The following CDKN2A variants were observed in gnomAD, a reference collection of about 807,000 sequenced individuals.
CDKN2A encodes the protein cyclin dependent kinase inhibitor 2A, also known as cyclin-dependent kinase inhibitor 2A.
CDKN2A carries 3 observed loss-of-function variants against 11.1 expected under a neutral mutation model. The observed-to-expected ratio is 0.27, with a 90% CI of 0.12 to 0.70. CDKN2A has a LOEUF of 0.70. CDKN2A is among the 30% of genes least tolerant of loss of function. CDKN2A has a pLI of 0.77. For missense variants in CDKN2A, 265 were observed against 233.6 expected (o/e 1.13, Z -0.88); for synonymous variants, 122 against 108.1 (o/e 1.13, Z -0.80).
At chr9:21,987,969 G>T (rs988751866) in intron 2 of CDKN2A, among the ~76,000 whole-genome samples, 3 of 152,156 alleles carry the variant, frequency 2.0e-5, no homozygotes, top group African/African-American at 7.2e-5. Flanking sequence ...CCAGAAATAT[G>T]TATTTTTAAA....
At chr9:21,987,432 C>CACACACACACACAG (rs1311413150) in intron 2 of CDKN2A, among the ~76,000 whole-genome samples, 1 of 138,196 alleles carries the variant, frequency 7.2e-6, no homozygotes. Context: ...CACACACACA[C>CACACACACACACAG]AGAGAGAGAG....
In CDKN2A at chr9:21,968,640, C is replaced by G. The variant is rs2131081214; in HGVS notation, c.458-398G>C. 6.5e-7 allele frequency: 1 copy of G among 1,527,304 alleles called. No individual in the cohort carries two copies. Among genetic ancestry groups the G allele is most frequent in the Non-Finnish European group, 8.8e-7 (1 of 1,142,096 alleles). The allele number at this position is 1,527,304 out of a possible 1,614,324, so 94.6% of individuals were successfully genotyped here. A position where few individuals can be genotyped will look rare whatever the true frequency, so the allele number is the denominator to read the frequency against. On this transcript the variant is annotated intron_variant, in intron 2 of 2. Coordinates refer to ENST00000304494, the MANE Select transcript of CDKN2A (RefSeq NM_000077.5). The surrounding 1 kb of genome is among the most constrained non-coding windows in gnomAD (Gnocchi z 4.7). The stretch of plus-strand genomic sequence containing the variant: ...CCCGCATCCCCAGGCATCTTTTGCA[C>G]CTGGTGCGGAGTGAGCCAGCCAGCT...
chr9:21,971,423 G>T lies in CDKN2A; in HGVS notation c.151-215C>A, dbSNP rs548725319. The T allele has an allele frequency of 1.8e-4, 251 of 1,422,486 alleles. No homozygotes were observed. The African/African-American group carries it at 3.4e-3, about 19-fold the overall frequency. The allele number at this position is 1,422,486 out of a possible 1,614,324, so 88.1% of individuals were successfully genotyped here. On this transcript the variant is annotated intron_variant, in intron 1 of 2. Coordinates refer to ENST00000304494, the MANE Select transcript of CDKN2A (RefSeq NM_000077.5). ...TCCATTATATCCTCCGAACTTCTGC[G>T]GAGCTGTCGTCACAGGCAGAGAGCA...
chr9:21,993,822 T>G, intron 2 of CDKN2A: 1 of 468,704 alleles, frequency 2.1e-6, no homozygotes, highest in Non-Finnish European at 3.9e-6. Context: ...TGTGTGTGTG[T>G]GTGTGTGTGT....
At chr9:21,985,286 A>G (rs1820275216) in intron 2 of CDKN2A, among the ~76,000 whole-genome samples, 1 of 151,978 alleles carries the variant, frequency 6.6e-6, no homozygotes, top group South Asian at 2.1e-4. Context: ...TTAAGAAAGC[A>G]TACTATTTAG....
At chr9:21,981,905 A>G (rs1820206367) in intron 2 of CDKN2A, among the ~76,000 whole-genome samples, 1 of 152,226 alleles carries the variant, frequency 6.6e-6, no homozygotes, top group African/African-American at 2.4e-5. Flanking sequence ...CCTCTGAGAA[A>G]GTAGAGCAGA....
chr9:21,972,985 C>G (rs1437573633), intron 1 of CDKN2A, among the ~76,000 whole-genome samples: 1 of 152,062 alleles, frequency 6.6e-6, no homozygotes, highest in Non-Finnish European at 1.5e-5. Context: ...TTATTAAATC[C>G]TGTCCTGAGA....
Position 21,988,016 on chromosome 9 carries a change from C to T in CDKN2A, c.-4+5866G>A, listed in dbSNP as rs1418769017. Among the ~76,000 whole-genome samples the T allele has an allele frequency of 5.9e-5, 9 of 152,112 alleles. No individual in the cohort carries two copies. Among genetic ancestry groups the T allele is most frequent in the African/African-American group, 1.9e-4 (8 of 41,414 alleles). ...TAATAATGCTGTTGTTAACCTTTGC[C>T]ATACTTTTAAAATTTCTAGTTACTC... On this transcript the variant is annotated intron_variant, in intron 2 of 3. Transcript: ENST00000494262. The surrounding 1 kb of genome is among the most constrained non-coding windows in gnomAD (Gnocchi z 4.1).
At chr9:21,975,003 C>T, upstream of CDKN2A, 8 of 1,386,742 alleles carry the variant, frequency 5.8e-6, no homozygotes, top group African/African-American at 1.5e-5. Flanking sequence ...GGTATCTTTC[C>T]AGGCAAGGGG....
At position 21,968,521 on chromosome 9, in the gene CDKN2A, C is replaced by T. The variant is rs1819522271; in HGVS notation, c.458-279G>A. 2.1e-6 allele frequency: 3 copies of T among 1,450,618 alleles called. No individual in the cohort carries two copies. The South Asian group carries it at 4.4e-5, about 21-fold the overall frequency. The allele number at this position is 1,450,618 out of a possible 1,614,324, so 89.9% of individuals were successfully genotyped here. ...AGAGAAAGCGCGACCGCGCGGCCCG[C>T]AGGGTTGCAAGAAGAAAACGAGTGT... On this transcript the variant is annotated intron_variant, in intron 2 of 2. Coordinates refer to ENST00000304494, the MANE Select transcript of CDKN2A (RefSeq NM_000077.5). This position sits in a 1 kb window ranked among gnomAD's most constrained non-coding sequence, Gnocchi z 4.7.
intron 2 of CDKN2A, 93 bp downstream of exon 2, chr9:21,970,809 T>TG (rs1819673630): frequency 2.7e-6 from 4 of 1,469,818 alleles, no homozygotes; most frequent in Non-Finnish European, 3.7e-6. Context: ...GACCGGAGAC[T>TG]GGTCTCCCGG....
At chr9:21,981,554 T>A (rs562535991) in intron 2 of CDKN2A, among the ~76,000 whole-genome samples, 103 of 152,122 alleles carry the variant, frequency 6.8e-4, no homozygotes, top group African/African-American at 2.3e-3. Flanking sequence ...TCCCTTTAAT[T>A]TAGAAAAGCA....
intron 2 of CDKN2A, among the ~76,000 whole-genome samples, chr9:21,982,071 C>G (rs1429598522): frequency 6.6e-6 from 1 of 152,160 alleles, no homozygotes; most frequent in African/African-American, 2.4e-5. Flanking sequence ...AAGGAAGGTA[C>G]TCTTTTAGAA....
rs1378743549 is a variant in CDKN2A, at chr9:21,991,677, T to C, written c.-4+2205A>G. 9 of 984,432 alleles carry C rather than the reference T, an allele frequency of 9.1e-6. No homozygotes were observed. The African/African-American group carries it at 1.4e-4, about 15-fold the overall frequency. The allele number at this position is 984,432 out of a possible 1,614,324, so 61.0% of individuals were successfully genotyped here. A position where few individuals can be genotyped will look rare whatever the true frequency, so the allele number is the denominator to read the frequency against. On this transcript the variant is annotated intron_variant, in intron 2 of 3. Coordinates refer to the CDKN2A transcript ENST00000494262. This position sits in a 1 kb window ranked among gnomAD's most constrained non-coding sequence, Gnocchi z 5.2. ...ATAGTGATGAACTAACGTGGAATAATAGATCTGTAAACCATCATAGACGGT... is the reference window on the plus strand; with the variant it reads ...ATAGTGATGAACTAACGTGGAATAACAGATCTGTAAACCATCATAGACGGT...
rs558214386 is a variant in CDKN2A, at chr9:21,967,827, G to A, written c.*402C>T. 1.6e-5 allele frequency: 5 copies of A among 317,938 alleles called. No homozygotes were observed. The South Asian group carries it at 3.0e-4, about 19-fold the overall frequency. 19.7% of individuals were successfully genotyped at this position (317,938 alleles called of 1,614,324 possible). A position where few individuals can be genotyped will look rare whatever the true frequency, so the allele number is the denominator to read the frequency against. ...CATTTGCTAGCAGTGTGACTCAAGA[G>A]AAGCCAGTAACCCCCCTGAGCTTCC... On this transcript the variant is annotated 3_prime_UTR_variant, in exon 3 of 3. Coordinates refer to ENST00000304494, the MANE Select transcript of CDKN2A (RefSeq NM_000077.5).
chr9:21,983,453 T>C (rs1449943889), intron 2 of CDKN2A, among the ~76,000 whole-genome samples: 2 of 152,088 alleles, frequency 1.3e-5, no homozygotes, highest in African/African-American at 2.4e-5. Context: ...ATGCTACTTT[T>C]AACAGCTGTA....
At position 21,974,658 on chromosome 9, in the gene CDKN2A, G is replaced by A. The variant is rs550846229; in HGVS notation, c.150+20C>T. ...GAGTCGCCCGCCATCCCCTGCTCCCGCTGCAGACCCTCTACCCACCTGGAT... is the reference window on the plus strand; with the variant it reads ...GAGTCGCCCGCCATCCCCTGCTCCCACTGCAGACCCTCTACCCACCTGGAT... On this transcript the variant is annotated intron_variant, in intron 1 of 2. Coordinates refer to ENST00000304494, the MANE Select transcript of CDKN2A (RefSeq NM_000077.5). The surrounding 1 kb of genome is among the most constrained non-coding windows in gnomAD (Gnocchi z 5.2). 4.2e-5 allele frequency: 68 copies of A among 1,613,950 alleles called. 2 individuals are homozygous for A. Among genetic ancestry groups the A allele is most frequent in the South Asian group, 3.8e-4 (35 of 91,088 alleles).
chr9:21,992,257 A>G (rs1010572027), intron 2 of CDKN2A: 11 of 945,416 alleles, frequency 1.2e-5, no homozygotes, highest in Middle Eastern at 5.4e-4. Flanking sequence ...ATCCATATAT[A>G]TTCCCAAATC....
intron 2 of CDKN2A, chr9:21,970,489 G>A (rs1384456383): frequency 4.8e-6 from 2 of 420,476 alleles, no homozygotes; most frequent in East Asian, 8.3e-5. Context: ...GAAATCCTGA[G>A]GTTGGTCCAG....
Sources: gnomAD v4.1 joint callset for allele counts (sites outside exome capture counted in the v4.1 genomes callset) on GRCh38, gnomAD v4.1.1 for gene constraint, Gnocchi (gnomAD v3.1) non-coding constraint, MANE v1.5 for transcripts, NCBI Gene and HGNC (gene_info 2026-07-23, HGNC 2026-07-21) for gene names.